The following GRIA3 variants were observed in gnomAD, a reference collection of about 807,000 sequenced individuals.
The protein encoded by GRIA3 is glutamate receptor 3.
GRIA3 carries 3 observed loss-of-function variants against 63.0 expected under a neutral mutation model. The ratio of observed to expected loss-of-function variants is 0.05; its 90% CI spans 0.02 to 0.12. The LOEUF (loss-of-function observed/expected upper bound fraction) is 0.12, where lower values mean the gene tolerates loss of function less well. GRIA3 is among the 10% of genes least tolerant of loss of function. The probability of loss-of-function intolerance (pLI) is 1.00; values close to 1 mark genes in which losing one functional copy is unlikely to be tolerated. For missense variants in GRIA3, 347 were observed against 700.9 expected, an observed-to-expected ratio of 0.50 and a Z score of 5.70; for synonymous variants, 274 against 257.9, an observed-to-expected ratio of 1.06 and a Z score of -0.60.
At chrX:123,347,460 T>A (rs2045059039) in intron 4 of GRIA3, among the ~76,000 whole-genome samples, 1 of 112,126 alleles carries the variant, frequency 8.9e-6, no homozygotes, top group Admixed American at 9.5e-5. Flanking sequence ...TATAAACATG[T>A]TCACTCACTT....
In GRIA3 at chrX:123,395,096, G is replaced by A. The variant is rs1327607336; in HGVS notation, c.879G>A (p.Arg293=). Residue 293 remains arginine (R), a synonymous_variant, in exon 6 of 16, where the codon AGG becomes AGA. Coordinates refer to ENST00000620443, the MANE Select transcript of GRIA3 (RefSeq NM_007325.5). ...AGCGCTGGGTGAGGCTGGATGAAAG[G>A]GAATTCCCTGAAGCCAAGAATGCAC... ...FIQRWVRLDE[R]EFPEAKNAPL... 3 of 1,209,339 alleles carry A rather than the reference G, an allele frequency of 2.5e-6. No individual in the cohort carries two copies. The East Asian group carries it at 8.9e-5, about 36-fold the overall frequency.
At chrX:123,351,332 G>A (rs1210317750) in intron 4 of GRIA3, among the ~76,000 whole-genome samples, 4 of 111,654 alleles carry the variant, frequency 3.6e-5, no homozygotes, top group African/African-American at 1.3e-4. Flanking sequence ...TCAAAAAAGG[G>A]AAAGATCAAG....
intron 10 of GRIA3, among the ~76,000 whole-genome samples, chrX:123,405,545 C>T (rs2045469025): frequency 9.0e-6 from 1 of 111,687 alleles, no homozygotes; most frequent in Non-Finnish European, 1.9e-5. Context: ...ACCCGCCTAC[C>T]TCTCTAGCTT....
chrX:123,185,199 G>A (rs1009751509), intron 1 of GRIA3, among the ~76,000 whole-genome samples: 1 of 111,781 alleles, frequency 8.9e-6, no homozygotes, highest in African/African-American at 3.3e-5. Context: ...GGTAGGAGGC[G>A]GGGGTGAGAC....
In GRIA3 at chrX:123,489,962, T is replaced by TGGAGC. The variant is rs1341681033; in HGVS notation, c.*1253_*1257dup. 1 of 112,561 alleles carries TGGAGC rather than the reference T, an allele frequency of 8.9e-6. No homozygotes were observed. Among genetic ancestry groups the TGGAGC allele is most frequent in the Non-Finnish European group, 1.9e-5 (1 of 53,263 alleles). The allele number at this position is 112,561 out of a possible 1,213,427, so 9.3% of individuals were successfully genotyped here. ...TCAGCATCACTTCCAGATCCTTGCT[T>TGGAGC]GGAGCAGTCTCTCTATTGACTCTCT... On this transcript the variant is annotated 3_prime_UTR_variant, in exon 16 of 16. Coordinates refer to ENST00000620443, the MANE Select transcript of GRIA3 (RefSeq NM_007325.5).
intron 4 of GRIA3, among the ~76,000 whole-genome samples, chrX:123,333,586 T>C (rs1482091196): frequency 8.9e-6 from 1 of 112,077 alleles, no homozygotes; most frequent in South Asian, 3.7e-4. Context: ...ACTAGGTATG[T>C]AAATGCTGAT....
chrX:123,409,688 T>G (rs747391882), intron 10 of GRIA3, among the ~76,000 whole-genome samples: 3 of 112,040 alleles, frequency 2.7e-5, no homozygotes, highest in African/African-American at 9.7e-5. Flanking sequence ...AACAGCATTT[T>G]TTGCTAGCAG....
intron 14 of GRIA3, among the ~76,000 whole-genome samples, chrX:123,481,443 A>G (rs1203250107): frequency 8.9e-6 from 1 of 112,189 alleles, no homozygotes; most frequent in Non-Finnish European, 1.9e-5. Flanking sequence ...TAAAGTAAAC[A>G]AGTATAGGAC....
chrX:123,348,253 T>C (rs896486497), intron 4 of GRIA3, among the ~76,000 whole-genome samples: 2 of 111,779 alleles, frequency 1.8e-5, no homozygotes, highest in South Asian at 3.8e-4. Flanking sequence ...CCAAACATTG[T>C]TGTGAATGTG....
intron 2 of GRIA3, among the ~76,000 whole-genome samples, chrX:123,207,115 GTGATGTT>G (rs778055516): frequency 3.6e-4 from 39 of 109,586 alleles, no homozygotes; most frequent in African/African-American, 1.2e-3. Context: ...AGGGACCACG[GTGATGTT>G]AACAGACATG....
chrX:123,305,099 A>C (rs925091637), intron 3 of GRIA3, among the ~76,000 whole-genome samples: 3 of 112,021 alleles, frequency 2.7e-5, no homozygotes, highest in African/African-American at 6.5e-5. Flanking sequence ...TAGCACCTGG[A>C]TACTTCCTCC....
At chrX:123,389,854 C>T (rs1439003140) in intron 5 of GRIA3, among the ~76,000 whole-genome samples, 8 of 110,052 alleles carry the variant, frequency 7.3e-5, no homozygotes, top group Admixed American at 1.9e-4. Flanking sequence ...TACAGACACC[C>T]GCCACCACGC....
At chrX:123,319,449 CAG>C (rs1042483545) in intron 3 of GRIA3, among the ~76,000 whole-genome samples, 1 of 112,263 alleles carries the variant, frequency 8.9e-6, no homozygotes, top group Admixed American at 9.4e-5. Context: ...TTATATAAAA[CAG>C]AATGTAAAGA....
intron 13 of GRIA3, chrX:123,465,620 C>T (rs1265207748): frequency 9.5e-6 from 9 of 951,789 alleles, no homozygotes; most frequent in South Asian, 5.9e-5. Flanking sequence ...TATACGTTAA[C>T]GATTTCCTAA....
intron 2 of GRIA3, among the ~76,000 whole-genome samples, chrX:123,248,870 A>C (rs1569407001): frequency 1.8e-5 from 2 of 112,334 alleles, no homozygotes; most frequent in Non-Finnish European, 3.8e-5. Context: ...ATCCCCCAAA[A>C]GAATCATGAC....
chrX:123,247,905 T>G (rs2044368388), intron 2 of GRIA3, among the ~76,000 whole-genome samples: 1 of 111,487 alleles, frequency 9.0e-6, no homozygotes, highest in Non-Finnish European at 1.9e-5. Context: ...ATATACTTCA[T>G]ATTTTATTTA....
intron 4 of GRIA3, among the ~76,000 whole-genome samples, chrX:123,340,242 C>A (rs1603101019): frequency 8.9e-6 from 1 of 112,722 alleles, no homozygotes; most frequent in Admixed American, 9.4e-5. Context: ...CACATGAAAG[C>A]ATACTAAACC....
chrX:123,341,788 G>A (rs1354170350), intron 4 of GRIA3, among the ~76,000 whole-genome samples: 2 of 111,948 alleles, frequency 1.8e-5, no homozygotes, highest in African/African-American at 6.5e-5. Context: ...TTATCACGGA[G>A]TCTAAAGAAA....
intron 12 of GRIA3, among the ~76,000 whole-genome samples, chrX:123,450,217 C>A (rs1345976608): frequency 8.9e-6 from 1 of 112,060 alleles, no homozygotes; most frequent in African/African-American, 3.2e-5. Context: ...CATTTAGGGC[C>A]TGTGACAAGC....
Sources: allele counts gnomAD v4.1 joint callset (sites outside exome capture counted in the v4.1 genomes callset), GRCh38; gene constraint gnomAD v4.1.1; transcripts MANE v1.5; gene names NCBI Gene and HGNC (gene_info 2026-07-23, HGNC 2026-07-21).